ZNF785: variants seen among roughly 807,000 people sequenced by gnomAD.
ZNF785 encodes zinc finger protein 785.
Under a neutral mutation model 11.3 loss-of-function variants are expected in ZNF785, and 15 were observed. The observed-to-expected ratio is 1.32, with a 90% CI of 0.89 to 2.04. ZNF785 has a LOEUF of 2.04. Ranked by LOEUF, ZNF785 falls within the 30% of genes most tolerant of loss-of-function variation. The pLI is 0.00. For synonymous variants in ZNF785, 221 were observed against 231.0 expected (o/e 0.96, Z 0.39); for missense variants, 572 against 560.9 (o/e 1.02, Z -0.20).
Position 30,582,954 on chromosome 16 carries a change from T to A in ZNF785, c.824A>T (p.Gln275Leu). The change falls in exon 3 of 3, where the codon CAG (glutamine) becomes CTG (leucine). Residue 275 changes from glutamine to leucine, a missense_variant. Physicochemically the swap from Gln to Leu is moderately radical, Grantham distance 113. Transcript: ENST00000395216. ...FTYPYLLAIHQRKHTGEKPYS... is the reference protein window; with the variant it reads ...FTYPYLLAIHLRKHTGEKPYS... ...GGGCTTCTCGCCCGTGTGCTTGCGC[T>A]GGTGGATGGCCAGCAGGTAGGGGTA... 6.2e-7 allele frequency: 1 copy of A among 1,613,856 alleles called. No individual in the cohort carries two copies. Among genetic ancestry groups the A allele is most frequent in the South Asian group, 1.1e-5 (1 of 91,072 alleles).
chr16:30,585,561 C>T lies in ZNF785; in HGVS notation c.51G>A (p.Gly17=), dbSNP rs1302463624. 7 of 1,551,812 alleles carry T rather than the reference C, an allele frequency of 4.5e-6. No individual in the cohort carries two copies. The highest frequency in any genetic ancestry group is 6.1e-6 in the Non-Finnish European group (7 of 1,150,874). ...GCCTGCTTTCCCTCGTCCTCCGGGG[C>T]CCGGCCTCCCCGGGTACGTGGGCCG... The part of the protein sequence containing the change: ...PRPAHVPGEA[G]PRRTRESRPG... Residue 17 remains glycine (G), a synonymous_variant, in exon 1 of 3, where the codon GGG becomes GGA. Transcript: ENST00000395216. The surrounding 1 kb of genome is among the most constrained non-coding windows in gnomAD (Gnocchi z 4.0).
rs116446996 is a variant in ZNF785, at chr16:30,583,175, G to A, written c.603C>T (p.Ser201=). ...AGAAACGCGCCTGACACTGGCCGCA[G>A]GAGAAGGGCCGCTCCCCGGAGTGGA... The part of the protein sequence containing the change: ...QRVHSGERPF[S]CGQCQARFSQ... The change falls in exon 3 of 3, where the codon TCC becomes TCT. Residue 201 remains serine (S), a synonymous_variant. Coordinates refer to ENST00000395216, the MANE Select transcript of ZNF785 (RefSeq NM_152458.7). 1 of 1,614,038 alleles carries A rather than the reference G, an allele frequency of 6.2e-7. No homozygotes were observed. Among genetic ancestry groups the A allele is most frequent in the Non-Finnish European group, 8.5e-7 (1 of 1,179,960 alleles).
At position 30,580,948 on chromosome 16, in the gene ZNF785, A is replaced by T. The variant is rs2051800934; in HGVS notation, c.*1612T>A. ...TTTGGGAGGCCAAGTCGGGTGGATC[A>T]CCTGAGGTCAGGAATTGGAGACCAG... On this transcript the variant is annotated 3_prime_UTR_variant, in exon 3 of 3. Coordinates refer to ENST00000395216, the MANE Select transcript of ZNF785 (RefSeq NM_152458.7). 1 of 151,974 alleles carries T rather than the reference A, an allele frequency of 6.6e-6. No individual in the cohort carries two copies. Among genetic ancestry groups the T allele is most frequent in the South Asian group, 2.1e-4 (1 of 4,828 alleles). 9.4% of individuals were successfully genotyped at this position (151,974 alleles called of 1,614,324 possible).
downstream of ZNF785, chr16:30,579,834 T>C (rs1365721639): frequency 4.4e-6 from 2 of 455,936 alleles, no homozygotes; most frequent in Non-Finnish European, 8.8e-6. Context: ...TCTTCAAAAG[T>C]AGGGCTAGCA....
At chr16:30,578,628 A>G (rs1335791673), downstream of ZNF785, 1 of 152,126 alleles carries the variant, frequency 6.6e-6, no homozygotes. Flanking sequence ...GGGTCAAACG[A>G]TTCTCCTGCC....
chr16:30,584,078 G>C (rs1328187919), intron 2 of ZNF785, among the ~76,000 whole-genome samples: 2 of 151,230 alleles, frequency 1.3e-5, no homozygotes, highest in Non-Finnish European at 2.9e-5. Context: ...TGGGGAGGTG[G>C]AGGTTGCAGT....
intron 2 of ZNF785, chr16:30,583,987 T>C (rs907525830): frequency 6.6e-6 from 1 of 151,338 alleles, no homozygotes. Flanking sequence ...CTGTACTAAA[T>C]TACAAAAATT....
rs200277882 is a variant in ZNF785 at position 30,582,117 on chromosome 16, G to GCC, written c.*441_*442dup. The GCC allele has an allele frequency of 1.2e-5, 2 of 160,526 alleles. No individual in the cohort carries two copies. The highest frequency in any genetic ancestry group is 2.7e-5 in the Non-Finnish European group (2 of 74,660). 9.9% of individuals were successfully genotyped at this position (160,526 alleles called of 1,614,324 possible). A position where few individuals can be genotyped will look rare whatever the true frequency, so the allele number is the denominator to read the frequency against. On this transcript the variant is annotated 3_prime_UTR_variant, in exon 3 of 3. Transcript: ENST00000395216. ...AGAAAAGAATCCTGGGATGAGCTCCGCCCCCCCCACCAGCCGAGGGACAGG... is the reference window on the plus strand; with the variant it reads ...AGAAAAGAATCCTGGGATGAGCTCCGCCCCCCCCCCACCAGCCGAGGGACAGG...
downstream of ZNF785, chr16:30,579,994 T>C (rs1323853436): frequency 1.3e-5 from 5 of 371,606 alleles, no homozygotes; most frequent in Non-Finnish European, 5.4e-6. Context: ...TTCATGCCAT[T>C]CTCCTGCCTC....
In ZNF785 at chr16:30,582,993, T is replaced by C. The variant is rs200019851; in HGVS notation, c.785A>G (p.Lys262Arg). Residue 262 changes from lysine to arginine, a missense_variant, in exon 3 of 3, where the codon AAG (lysine) becomes AGG (arginine). Physicochemically the swap from Lys to Arg is conservative, Grantham distance 26. Transcript: ENST00000395216. The part of the protein sequence containing the change: ...GEKPYACSDC[K>R]SRFTYPYLLA... ...CAGGTAGGGGTAAGTGAAGCGACTC[T>C]TGCAGTCTGAGCACGCGTAAGGCTT... 2 of 1,613,452 alleles carry C rather than the reference T, an allele frequency of 1.2e-6. No homozygotes were observed. Among genetic ancestry groups the C allele is most frequent in the Non-Finnish European group, 1.7e-6 (2 of 1,179,906 alleles).
Position 30,582,871 on chromosome 16 carries a change from T to C in ZNF785, c.907A>G (p.Arg303Gly). The change falls in exon 3 of 3, where the codon AGG becomes GGG. Residue 303 changes from arginine to glycine, a missense_variant. Coordinates refer to ENST00000395216, the MANE Select transcript of ZNF785 (RefSeq NM_152458.7). Reference sequence around the variant, plus strand: ...GGCTTCTCGCCGGTGTGTATGCGCCTGTGGATGGCCAGCAGGGAGGTGTAG... The same window carrying C: ...GGCTTCTCGCCGGTGTGTATGCGCCCGTGGATGGCCAGCAGGGAGGTGTAG... Reference protein sequence around the residue: ...FAYTSLLAIHRRIHTGEKPYP... With the variant: ...FAYTSLLAIHGRIHTGEKPYP... 6.2e-7 allele frequency: 1 copy of C among 1,603,338 alleles called. No homozygotes were observed. Among genetic ancestry groups the C allele is most frequent in the Non-Finnish European group, 8.5e-7 (1 of 1,176,994 alleles).
chr16:30,585,645 C>G lies in ZNF785; in HGVS notation c.-34G>C. On this transcript the variant is annotated 5_prime_UTR_variant, in exon 1 of 3. Coordinates refer to ENST00000395216, the MANE Select transcript of ZNF785 (RefSeq NM_152458.7). This position sits in a 1 kb window ranked among gnomAD's most constrained non-coding sequence, Gnocchi z 4.0. ...CTTTCTGCCTGGCAAAGGGAGGCTT[C>G]CGGGGAAGGTGGAGATGCTGGCGCT... is the stretch of plus-strand genomic sequence containing the variant. The G allele has an allele frequency of 1.4e-6, 2 of 1,451,522 alleles. No individual in the cohort carries two copies. The highest frequency in any genetic ancestry group is 1.8e-6 in the Non-Finnish European group (2 of 1,110,142). 89.9% of individuals were successfully genotyped at this position (1,451,522 alleles called of 1,614,324 possible). A position where few individuals can be genotyped will look rare whatever the true frequency, so the allele number is the denominator to read the frequency against.
downstream of ZNF785, among the ~76,000 whole-genome samples, chr16:30,580,185 C>A (rs1181060287): frequency 9.9e-6 from 1 of 101,084 alleles, no homozygotes; most frequent in African/African-American, 4.3e-5. Flanking sequence ...CCACACCAGG[C>A]CTTTTTTTTT....
At chr16:30,584,400 C>T (rs1250251112) in intron 2 of ZNF785, among the ~76,000 whole-genome samples, 2 of 152,108 alleles carry the variant, frequency 1.3e-5, no homozygotes, top group East Asian at 1.9e-4. Flanking sequence ...GCCTGTAATC[C>T]CAGCACTTTG....
Position 30,583,131 on chromosome 16 carries a change from A to C in ZNF785, c.647T>G (p.Leu216Arg), listed in dbSNP as rs749032957. The change falls in exon 3 of 3, where the codon CTC becomes CGC. Residue 216 changes from leucine to arginine, a missense_variant. By Grantham distance (102) the Leu-to-Arg change is moderately radical. Transcript: ENST00000395216. ...GCCGGTGTGGATGAACTGATGCTGG[A>C]GCAGGTACCTGCGCTGGGAGAAACG... The part of the protein sequence containing the change: ...QARFSQRRYL[L>R]QHQFIHTGEK... 3.1e-6 allele frequency: 5 copies of C among 1,613,906 alleles called. No homozygotes were observed. The highest frequency in any genetic ancestry group is 4.2e-6 in the Non-Finnish European group (5 of 1,179,948).
In ZNF785 at chr16:30,582,351, T is replaced by A; in HGVS notation, c.*209A>T. On this transcript the variant is annotated 3_prime_UTR_variant, in exon 3 of 3. Transcript: ENST00000395216. ...TGGGACGTGAACACGGGGCCCTGTG[T>A]GCTGGAGCTTCAGAAAATGGGGTCA... is the stretch of plus-strand genomic sequence containing the variant. 1 of 656,436 alleles carries A rather than the reference T, an allele frequency of 1.5e-6. No individual in the cohort carries two copies. The highest frequency in any genetic ancestry group is 2.6e-6 in the Non-Finnish European group (1 of 391,282). The allele number at this position is 656,436 out of a possible 1,614,324, so 40.7% of individuals were successfully genotyped here.
chr16:30,583,073 G>C lies in ZNF785; in HGVS notation c.705C>G (p.Arg235=), dbSNP rs1249974317. ...CCAGGGAACCCCTCTGGCGGAAGCG[G>C]CGCCCGCAGTCGGGGCAGGGGTAGG... The part of the protein sequence containing the change: ...EKPYPCPDCG[R]RFRQRGSLAI... Residue 235 remains arginine, a synonymous_variant, in exon 3 of 3, where the codon CGC becomes CGG. Coordinates refer to ENST00000395216, the MANE Select transcript of ZNF785 (RefSeq NM_152458.7). 8.1e-6 allele frequency: 13 copies of C among 1,613,948 alleles called. No individual in the cohort carries two copies. The highest frequency in any genetic ancestry group is 1.1e-5 in the Non-Finnish European group (13 of 1,179,998).
chr16:30,585,420 G>T lies in ZNF785; in HGVS notation c.192C>A (p.His64Gln). 1 of 1,591,848 alleles carries T rather than the reference G, an allele frequency of 6.3e-7. No individual in the cohort carries two copies. Among genetic ancestry groups the T allele is most frequent in the African/African-American group, 1.3e-5 (1 of 74,530 alleles). Residue 64 changes from histidine (H) to glutamine (Q), a missense_variant, in exon 1 of 3, where the codon CAC becomes CAA. Transcript: ENST00000395216. The surrounding 1 kb of genome is among the most constrained non-coding windows in gnomAD (Gnocchi z 4.0). ...YRDVMRETFG[H>Q]LGALGFSVPK... is the part of the protein sequence containing the mutation. ...GCCCGGCCTCACCCAGCGCGCCCAG[G>T]TGGCCGAAGGTCTCCCGCATCACGT...
At chr16:30,584,540 C>T (rs541439699) in intron 2 of ZNF785, among the ~76,000 whole-genome samples, 1 of 152,216 alleles carries the variant, frequency 6.6e-6, no homozygotes, top group African/African-American at 2.4e-5. Flanking sequence ...ATCCCAGCTA[C>T]TCAGGAGGCT....
Sources: gnomAD v4.1 joint callset for allele counts (sites outside exome capture counted in the v4.1 genomes callset) on GRCh38, gnomAD v4.1.1 for gene constraint, Gnocchi (gnomAD v3.1) non-coding constraint, MANE v1.5 for transcripts, NCBI Gene and HGNC (gene_info 2026-07-23, HGNC 2026-07-21) for gene names.